SLC38A1: variants seen among roughly 807,000 people sequenced by gnomAD.
SLC38A1 encodes solute carrier family 38 member 1, also known as sodium-coupled neutral amino acid symporter 1.
Under a neutral mutation model 60.3 loss-of-function variants are expected in SLC38A1, and 18 were observed. The observed-to-expected ratio is 0.30, with a 90% confidence interval of 0.21 to 0.44. The LOEUF (loss-of-function observed/expected upper bound fraction) is 0.44. Ranked by LOEUF, SLC38A1 falls within the 20% of genes least tolerant of loss-of-function variation. SLC38A1 has a pLI of 1.00. For synonymous variants in SLC38A1, 196 were observed against 212.1 expected, an observed-to-expected ratio of 0.92 and a Z score of 0.66; for missense variants, 448 against 587.2, an observed-to-expected ratio of 0.76 and a Z score of 2.45.
chr12:46,216,047 T>C (rs945530001), intron 5 of SLC38A1, among the ~76,000 whole-genome samples: 4 of 152,172 alleles, frequency 2.6e-5, no homozygotes, highest in Non-Finnish European at 5.9e-5. Flanking sequence ...GGCTAGCCTA[T>C]CTTTCTCCAC....
chr12:46,200,346 G>T (rs986318804), intron 13 of SLC38A1, among the ~76,000 whole-genome samples: 1 of 151,588 alleles, frequency 6.6e-6, no homozygotes, highest in Non-Finnish European at 1.5e-5. Context: ...TTATTATTTA[G>T]TAGAGAAGAT....
At position 46,229,161 on chromosome 12, in the gene SLC38A1, T is replaced by C; in HGVS notation, c.306A>G (p.Leu102=). ...LAFALANTGI[L]LFLVLLTSVT... ...GGCACGTCAATACTCACAGAAAAAGTAGGATTCCAGTGTTTGCCAGGGCAA... is the reference window on the plus strand; with the variant it reads ...GGCACGTCAATACTCACAGAAAAAGCAGGATTCCAGTGTTTGCCAGGGCAA... Residue 102 remains leucine, a synonymous_variant, in exon 5 of 17, where the codon CTA becomes CTG. Coordinates refer to ENST00000398637, the MANE Select transcript of SLC38A1 (RefSeq NM_030674.4). 6.2e-7 allele frequency: 1 copy of C among 1,607,120 alleles called. No homozygotes were observed. Among genetic ancestry groups the C allele is most frequent in the Non-Finnish European group, 8.5e-7 (1 of 1,174,452 alleles).
At chr12:46,194,804 T>C (rs185567535) in intron 16 of SLC38A1, among the ~76,000 whole-genome samples, 103 of 152,340 alleles carry the variant, frequency 6.8e-4, no homozygotes, top group African/African-American at 2.3e-3. Flanking sequence ...TTCTCTACAC[T>C]GGTTATTCTA....
chr12:46,224,453 T>A lies in SLC38A1; in HGVS notation c.314+4700A>T, dbSNP rs73278892. On this transcript the variant is annotated intron_variant, in intron 5 of 16. Transcript: ENST00000398637. The stretch of plus-strand genomic sequence containing the variant: ...TAAAAAAAAATGAGCTGCAAACTCA[T>A]CCAAGAAAAAGAAATCGCACCAACA... 5.0e-3 allele frequency among the ~76,000 whole-genome samples: 758 copies of A among 152,124 alleles called. 2 individuals carry two copies. The highest frequency in any genetic ancestry group is 0.018 in the African/African-American group (730 of 41,482).
chr12:46,228,090 T>C (rs142458096), intron 5 of SLC38A1, among the ~76,000 whole-genome samples: 1 of 152,182 alleles, frequency 6.6e-6, no homozygotes, highest in Admixed American at 6.5e-5. Context: ...AGGCTAGAGT[T>C]AGGTTCACTG....
At chr12:46,198,123 T>C (rs7954255) in intron 14 of SLC38A1, 63 bp from the exon 15 acceptor site, 724,047 of 1,543,066 alleles carry the variant, frequency 0.47, 174,641 homozygotes, top group African/African-American at 0.77. Context: ...GACATTTCTC[T>C]GCAGAGTAAC....
At position 46,184,257 on chromosome 12, in the gene SLC38A1, C is replaced by A. The variant is rs896981162; in HGVS notation, c.*4713G>T. 10 of 152,134 alleles carry A rather than the reference C, an allele frequency of 6.6e-5. No homozygotes were observed. The highest frequency in any genetic ancestry group is 2.4e-4 in the African/African-American group (10 of 41,406). The allele number at this position is 152,134 out of a possible 1,614,324, so 9.4% of individuals were successfully genotyped here. A position where few individuals can be genotyped will look rare whatever the true frequency, so the allele number is the denominator to read the frequency against. On this transcript the variant is annotated 3_prime_UTR_variant, in exon 17 of 17. Transcript: ENST00000398637. ...CAGCTTGTACCTGAAAGCTTTATCT[C>A]GTTATAAATAATTCACTGTAATTTA...
At chr12:46,257,103 T>G (rs548156254) in intron 1 of SLC38A1, among the ~76,000 whole-genome samples, 1 of 152,162 alleles carries the variant, frequency 6.6e-6, no homozygotes, top group Non-Finnish European at 1.5e-5. Context: ...CACTTGTCAG[T>G]CAAGAAGTGA....
chr12:46,190,514 G>A (rs937367727), intron 16 of SLC38A1, among the ~76,000 whole-genome samples: 1 of 152,184 alleles, frequency 6.6e-6, no homozygotes, highest in Non-Finnish European at 1.5e-5. Flanking sequence ...TCGCCACACT[G>A]TCTTCCACAA....
Position 46,223,965 on chromosome 12 carries a change from G to A in SLC38A1, c.314+5188C>T, listed in dbSNP as rs12307032. Among the ~76,000 whole-genome samples, 637 of 152,296 alleles carry A rather than the reference G, an allele frequency of 4.2e-3. 10 individuals carry two copies. Among genetic ancestry groups the A allele is most frequent in the African/African-American group, 0.014 (600 of 41,566 alleles). ...TCTAGAGATTAATTTCCTGTAAAATGTATGCCTTTAATAGAAATCTTCAGA... is the reference window on the plus strand; with the variant it reads ...TCTAGAGATTAATTTCCTGTAAAATATATGCCTTTAATAGAAATCTTCAGA... On this transcript the variant is annotated intron_variant, in intron 5 of 16. Transcript: ENST00000398637.
chr12:46,213,566 C>A (rs1940273790), intron 5 of SLC38A1, among the ~76,000 whole-genome samples: 1 of 152,210 alleles, frequency 6.6e-6, no homozygotes, highest in Non-Finnish European at 1.5e-5. Context: ...GGAAGTCGAC[C>A]TTATCTCTCA....
intron 5 of SLC38A1, among the ~76,000 whole-genome samples, chr12:46,227,488 TTA>T (rs1940911900): frequency 6.6e-6 from 1 of 152,066 alleles, no homozygotes; most frequent in Non-Finnish European, 1.5e-5. Flanking sequence ...CTTCATAGAG[TTA>T]TTGTAAGGAT....
chr12:46,200,045 T>C (rs1164496069), intron 13 of SLC38A1, among the ~76,000 whole-genome samples: 1 of 152,172 alleles, frequency 6.6e-6, no homozygotes, highest in African/African-American at 2.4e-5. Context: ...ATAATGCATC[T>C]ACAAAGAAAA....
At chr12:46,203,588 A>G (rs547742085) in intron 11 of SLC38A1, among the ~76,000 whole-genome samples, 1 of 152,358 alleles carries the variant, frequency 6.6e-6, no homozygotes, top group South Asian at 2.1e-4. Context: ...TCCATATTGC[A>G]CTACTTTGGC....
chr12:46,184,671 G>A lies in SLC38A1; in HGVS notation c.*4299C>T, dbSNP rs1027242656. 1.3e-5 allele frequency: 2 copies of A among 152,086 alleles called. No homozygotes were observed. The highest frequency in any genetic ancestry group is 2.9e-5 in the Non-Finnish European group (2 of 68,020). The allele number at this position is 152,086 out of a possible 1,614,324, so 9.4% of individuals were successfully genotyped here. On this transcript the variant is annotated 3_prime_UTR_variant, in exon 17 of 17. Transcript: ENST00000398637. ...GAGCAGACCTTTCAGTAGAGAATTC[G>A]CTTTAAAAGGAGGACAGGATTATCA...
At chr12:46,264,819 C>T (rs73280719) in intron 1 of SLC38A1, among the ~76,000 whole-genome samples, 274 of 152,234 alleles carry the variant, frequency 1.8e-3, no homozygotes, top group African/African-American at 6.5e-3. Context: ...ACTCTGTGTG[C>T]CTTTGCATAC....
At chr12:46,251,402 G>C (rs1941833640) in intron 1 of SLC38A1, among the ~76,000 whole-genome samples, 1 of 152,090 alleles carries the variant, frequency 6.6e-6, no homozygotes, top group Non-Finnish European at 1.5e-5. Flanking sequence ...CTAGAAGAAA[G>C]CCTAGGTAAT....
chr12:46,209,457 T>C (rs1392241476), intron 5 of SLC38A1, among the ~76,000 whole-genome samples: 2 of 152,062 alleles, frequency 1.3e-5, no homozygotes, highest in African/African-American at 4.8e-5. Flanking sequence ...CTCTGTTACA[T>C]CCGGGTGAGA....
At chr12:46,229,918 C>A (rs1212077138) in intron 3 of SLC38A1, among the ~76,000 whole-genome samples, 2 of 152,200 alleles carry the variant, frequency 1.3e-5, no homozygotes, top group African/African-American at 4.8e-5. Flanking sequence ...TTGTACAAAA[C>A]AATGCCAATA....
Sources: gnomAD v4.1 joint callset for allele counts (sites outside exome capture counted in the v4.1 genomes callset) on GRCh38, gnomAD v4.1.1 for gene constraint, MANE v1.5 for transcripts, NCBI Gene and HGNC (gene_info 2026-07-23, HGNC 2026-07-21) for gene names.